LUZP2: variants seen among roughly 807,000 people sequenced by gnomAD.
The protein encoded by LUZP2 is leucine zipper protein 2.
LUZP2 carries 52 observed loss-of-function variants against 51.6 expected under a neutral mutation model. The observed-to-expected ratio is 1.01, with a 90% CI of 0.81 to 1.27. The LOEUF (loss-of-function observed/expected upper bound fraction) is 1.27. Ranked by LOEUF, LUZP2 falls within the 50% of genes most tolerant of loss-of-function variation. LUZP2 has a pLI of 0.00. For synonymous variants in LUZP2, 154 were observed against 137.3 expected (o/e 1.12, Z -0.85); for missense variants, 436 against 395.4 (o/e 1.10, Z -0.87).
chr11:25,075,005 A>C (rs1164896358), intron 10 of LUZP2, among the ~76,000 whole-genome samples: 2 of 152,202 alleles, frequency 1.3e-5, no homozygotes, highest in African/African-American at 4.8e-5. Context: ...TTTCTGTATG[A>C]ACAACATTTT....
At chr11:25,073,018 A>G (rs1275599607) in intron 10 of LUZP2, among the ~76,000 whole-genome samples, 1 of 152,096 alleles carries the variant, frequency 6.6e-6, no homozygotes, top group Admixed American at 6.6e-5. Flanking sequence ...CAGAACAAAG[A>G]CAGCACTTGA....
intron 1 of LUZP2, among the ~76,000 whole-genome samples, chr11:24,682,537 GTGTATA>G (rs1208036394): frequency 1.4e-5 from 2 of 142,300 alleles, no homozygotes; most frequent in East Asian, 4.2e-4. Flanking sequence ...TAGGTTCAGT[GTGTATA>G]TGTATATATA....
rs373395157 is a variant in LUZP2, at chr11:25,063,840, A to G, written c.859-13489A>G. Among the ~76,000 whole-genome samples the G allele has an allele frequency of 5.9e-5, 9 of 151,922 alleles. No individual in the cohort carries two copies. In the East Asian group the frequency reaches 1.5e-3, roughly 26 times the overall value. On this transcript the variant is annotated intron_variant, in intron 10 of 11. Transcript: ENST00000336930. Reference sequence around the variant, plus strand: ...AGGTTCTTTGTCTTTATTTAACCCCACAAAAATTCCATGAATACAATTCCA... The same window carrying G: ...AGGTTCTTTGTCTTTATTTAACCCCGCAAAAATTCCATGAATACAATTCCA...
At chr11:24,638,401 A>T (rs1855174701) in intron 1 of LUZP2, among the ~76,000 whole-genome samples, 1 of 151,732 alleles carries the variant, frequency 6.6e-6, no homozygotes, top group African/African-American at 2.4e-5. Context: ...ATAGTTTTTT[A>T]AAAAATCAAA....
At chr11:24,685,620 C>T (rs900973616) in intron 1 of LUZP2, among the ~76,000 whole-genome samples, 1 of 152,114 alleles carries the variant, frequency 6.6e-6, no homozygotes, top group Non-Finnish European at 1.5e-5. Flanking sequence ...CCAACAAAGC[C>T]TACTTGGGAA....
chr11:25,002,578 T>C (rs1205459921), intron 9 of LUZP2, among the ~76,000 whole-genome samples: 1 of 152,174 alleles, frequency 6.6e-6, no homozygotes, highest in Non-Finnish European at 1.5e-5. Context: ...TTCCTTGTAT[T>C]ATTTTGGTAG....
chr11:24,790,391 C>T (rs1849374129), intron 5 of LUZP2, among the ~76,000 whole-genome samples: 1 of 152,146 alleles, frequency 6.6e-6, no homozygotes, highest in Admixed American at 6.6e-5. Flanking sequence ...GTTGACTATG[C>T]TCACATTTTT....
intron 5 of LUZP2, among the ~76,000 whole-genome samples, chr11:24,863,916 C>A (rs1291266520): frequency 2.0e-5 from 3 of 151,936 alleles, no homozygotes; most frequent in African/African-American, 7.2e-5. Flanking sequence ...GTTAAATATT[C>A]TTTTAAGACA....
intron 5 of LUZP2, chr11:24,891,776 G>C (rs1482957813): frequency 2.1e-6 from 2 of 954,254 alleles, no homozygotes; most frequent in Admixed American, 1.2e-4. Context: ...AGTCTCCATA[G>C]ATCATACAAA....
At chr11:24,768,133 AT>A (rs113651188) in intron 5 of LUZP2, among the ~76,000 whole-genome samples, 3 of 150,460 alleles carry the variant, frequency 2.0e-5, no homozygotes, top group Non-Finnish European at 4.4e-5. Context: ...ATTAGTTGAA[AT>A]TTTTTTTTTC....
chr11:24,678,101 G>C (rs1856627462), intron 1 of LUZP2, among the ~76,000 whole-genome samples: 1 of 149,552 alleles, frequency 6.7e-6, no homozygotes, highest in Non-Finnish European at 1.5e-5. Flanking sequence ...TTACTACGTA[G>C]CTATGTGTAT....
chr11:24,858,225 T>C (rs1017320821), intron 5 of LUZP2, among the ~76,000 whole-genome samples: 2 of 152,308 alleles, frequency 1.3e-5, no homozygotes, highest in Non-Finnish European at 2.9e-5. Context: ...TAATAAAGCA[T>C]CTTTTTCTTG....
intron 10 of LUZP2, among the ~76,000 whole-genome samples, chr11:25,056,972 C>G (rs536591825): frequency 3.3e-5 from 5 of 151,970 alleles, no homozygotes; most frequent in Admixed American, 3.3e-4. Flanking sequence ...TGGTGGCAGG[C>G]GCCTGTAATC....
At chr11:24,616,027 T>G (rs1854273926) in intron 1 of LUZP2, among the ~76,000 whole-genome samples, 1 of 151,806 alleles carries the variant, frequency 6.6e-6, no homozygotes, top group African/African-American at 2.4e-5. Flanking sequence ...TTTTTTTTCT[T>G]TTATTGTGGT....
In LUZP2 at chr11:25,033,054, G is replaced by A. The variant is rs146949963; in HGVS notation, c.766-16984G>A. ...TAACTTTGGCAAACATTCTGAAGATGGAGAGTTGGAAAGAAACAAAACGCC... is the reference window on the plus strand; with the variant it reads ...TAACTTTGGCAAACATTCTGAAGATAGAGAGTTGGAAAGAAACAAAACGCC... On this transcript the variant is annotated intron_variant, in intron 9 of 11. Transcript: ENST00000336930. 4.9e-4 allele frequency among the ~76,000 whole-genome samples: 74 copies of A among 152,272 alleles called. 3 individuals are homozygous for A. In the East Asian group the frequency reaches 0.014, roughly 29 times the overall value.
chr11:24,745,842 T>A (rs2133998500), intron 4 of LUZP2, among the ~76,000 whole-genome samples: 1 of 152,196 alleles, frequency 6.6e-6, no homozygotes, highest in Non-Finnish European at 1.5e-5. Context: ...CACACCCGGC[T>A]AATTTTTGTA....
chr11:24,637,106 A>C (rs1456956778), intron 1 of LUZP2, among the ~76,000 whole-genome samples: 1 of 151,846 alleles, frequency 6.6e-6, no homozygotes, highest in Non-Finnish European at 1.5e-5. Context: ...AAAATCTATA[A>C]AACAAAAATT....
chr11:24,609,971 A>C (rs1854062695), intron 1 of LUZP2, among the ~76,000 whole-genome samples: 1 of 152,136 alleles, frequency 6.6e-6, no homozygotes, highest in Non-Finnish European at 1.5e-5. Context: ...TATATGATGC[A>C]ATCAGCTGGC....
chr11:24,584,654 A>G (rs747320223), intron 1 of LUZP2, among the ~76,000 whole-genome samples: 2 of 152,138 alleles, frequency 1.3e-5, no homozygotes, highest in Non-Finnish European at 2.9e-5. Context: ...GTGCTCTGGC[A>G]TGTGTGTGTA....
Sources: gnomAD v4.1 joint callset for allele counts (sites outside exome capture counted in the v4.1 genomes callset) on GRCh38, gnomAD v4.1.1 for gene constraint, MANE v1.5 for transcripts, NCBI Gene and HGNC (gene_info 2026-07-23, HGNC 2026-07-21) for gene names.